RFX3: variants seen among roughly 807,000 people sequenced by gnomAD.
RFX3 encodes the protein regulatory factor X3, also known as transcription factor RFX3.
A neutral mutation model predicts 98.6 loss-of-function variants in RFX3; 14 were observed. The ratio of observed to expected loss-of-function variants is 0.14; its 90% CI spans 0.09 to 0.22. RFX3 has a LOEUF of 0.22. Among genes scored for constraint, RFX3 ranks in the 10% least tolerant of loss-of-function variants. The pLI, the probability that RFX3 is intolerant of heterozygous loss-of-function variation, is 1.00. For synonymous variants in RFX3, 383 were observed against 328.4 expected (o/e 1.17, Z -1.80); for missense variants, 639 against 926.9 (o/e 0.69, Z 4.03).
chr9:3,373,938 A>T (rs1006689548), intron 2 of RFX3, among the ~76,000 whole-genome samples: 2 of 151,958 alleles, frequency 1.3e-5, no homozygotes, highest in African/African-American at 2.4e-5. Context: ...CTTAGCCAGG[A>T]GTGGTGGCAT....
rs1027923316 is a variant in RFX3, at chr9:3,239,354, T to C, written c.1968+8678A>G. Among the ~76,000 whole-genome samples, 19 of 152,348 alleles carry C rather than the reference T, an allele frequency of 1.2e-4. No individual in the cohort carries two copies. In the East Asian group the frequency reaches 3.5e-3, roughly 28 times the overall value. ...TCTATGTATCTTTAAATAGTTTTTA[T>C]TGAAACCTGCTAAGAAGGCCAAGAT... On this transcript the variant is annotated intron_variant, in intron 15 of 16. Coordinates refer to ENST00000617270, the MANE Select transcript of RFX3 (RefSeq NM_001282116.2).
intron 1 of RFX3, among the ~76,000 whole-genome samples, chr9:3,448,188 A>G (rs1034707475): frequency 3.9e-5 from 6 of 152,186 alleles, no homozygotes; most frequent in African/African-American, 1.4e-4. Flanking sequence ...CATTCTTACA[A>G]TTCACAGTGG....
chr9:3,481,800 T>C (rs575793108), intron 1 of RFX3, among the ~76,000 whole-genome samples: 34 of 152,122 alleles, frequency 2.2e-4, no homozygotes, highest in Non-Finnish European at 4.3e-4. Context: ...CTTTGTATTT[T>C]TGTCATTAGT....
intron 15 of RFX3, among the ~76,000 whole-genome samples, chr9:3,237,158 C>T (rs1819271271): frequency 6.6e-6 from 1 of 152,188 alleles, no homozygotes; most frequent in Non-Finnish European, 1.5e-5. Flanking sequence ...CTAGTTAGAA[C>T]TAATTATGTT....
intron 1 of RFX3, among the ~76,000 whole-genome samples, chr9:3,424,443 G>C (rs1487383377): frequency 7.9e-6 from 1 of 126,200 alleles, no homozygotes; most frequent in African/African-American, 3.1e-5. Context: ...CTCACTGCAA[G>C]CTCCGCCTCC....
chr9:3,496,599 G>A (rs906390552), intron 1 of RFX3, among the ~76,000 whole-genome samples: 1 of 151,780 alleles, frequency 6.6e-6, no homozygotes, highest in Non-Finnish European at 1.5e-5. Context: ...GTACTATCAC[G>A]TTAAGCTCTC....
intron 16 of RFX3, among the ~76,000 whole-genome samples, chr9:3,227,975 G>A (rs1438146880): frequency 6.6e-6 from 1 of 152,144 alleles, no homozygotes; most frequent in Non-Finnish European, 1.5e-5. Context: ...GAAGGGCTAA[G>A]TGCATAGTTC....
chr9:3,253,022 T>A (rs1821629970), intron 14 of RFX3, among the ~76,000 whole-genome samples: 1 of 152,224 alleles, frequency 6.6e-6, no homozygotes, highest in African/African-American at 2.4e-5. Context: ...CGATTCAGAC[T>A]TCCGTAAGAA....
chr9:3,313,162 G>A (rs867689646), intron 4 of RFX3, among the ~76,000 whole-genome samples: 1 of 152,138 alleles, frequency 6.6e-6, no homozygotes, highest in Non-Finnish European at 1.5e-5. Flanking sequence ...CCTCTGAGAC[G>A]AAGCTTCCAG....
intron 1 of RFX3, among the ~76,000 whole-genome samples, chr9:3,467,095 T>A (rs1461279937): frequency 1.4e-5 from 2 of 139,022 alleles, no homozygotes; most frequent in Admixed American, 7.1e-5. Flanking sequence ...CATACATATA[T>A]GTAAGTATAT....
intron 2 of RFX3, among the ~76,000 whole-genome samples, chr9:3,352,114 A>C (rs1835208184): frequency 6.6e-6 from 1 of 152,074 alleles, no homozygotes; most frequent in Non-Finnish European, 1.5e-5. Flanking sequence ...TATGTATTTT[A>C]GGCAAGATTG....
At chr9:3,314,640 G>C (rs1033390163) in intron 4 of RFX3, among the ~76,000 whole-genome samples, 1 of 151,960 alleles carries the variant, frequency 6.6e-6, no homozygotes, top group Non-Finnish European at 1.5e-5. Flanking sequence ...CTCATGTACA[G>C]AGACACACAT....
intron 4 of RFX3, among the ~76,000 whole-genome samples, chr9:3,316,806 T>A (rs954746922): frequency 2.6e-5 from 4 of 152,120 alleles, no homozygotes; most frequent in African/African-American, 9.7e-5. Flanking sequence ...GAATCCAACT[T>A]ATAAGGGATG....
intron 2 of RFX3, among the ~76,000 whole-genome samples, chr9:3,356,955 AC>A (rs138464887): frequency 0.11 from 16,198 of 147,450 alleles, 1,490 homozygotes; most frequent in African/African-American, 0.27. Flanking sequence ...ACACACACAT[AC>A]ACACATGCAC....
At chr9:3,268,671 A>T (rs1028158618) in intron 11 of RFX3, among the ~76,000 whole-genome samples, 1 of 151,962 alleles carries the variant, frequency 6.6e-6, no homozygotes, top group African/African-American at 2.4e-5. Context: ...TGGTTTTCAA[A>T]TCAAAATTTG....
In RFX3 at chr9:3,366,005, C is replaced by T. The variant is rs1484588237; in HGVS notation, c.118-19241G>A. On this transcript the variant is annotated intron_variant, in intron 2 of 16. Coordinates refer to ENST00000617270, the MANE Select transcript of RFX3 (RefSeq NM_001282116.2). Reference sequence around the variant, plus strand: ...GTGGCAGTCAGTGGTGCAGCGGGCCCTGCTCCACACGCTCACTTGGGGACC... The same window carrying T: ...GTGGCAGTCAGTGGTGCAGCGGGCCTTGCTCCACACGCTCACTTGGGGACC... Among the ~76,000 whole-genome samples the T allele has an allele frequency of 2.0e-5, 3 of 151,988 alleles. No homozygotes were observed. The East Asian group carries it at 5.9e-4, about 30-fold the overall frequency.
chr9:3,429,208 G>C (rs1387665590), intron 1 of RFX3, among the ~76,000 whole-genome samples: 1 of 150,680 alleles, frequency 6.6e-6, no homozygotes, highest in Non-Finnish European at 1.5e-5. Context: ...ATTTTTAGTA[G>C]AAACGGGGTT....
chr9:3,411,326 C>A (rs1422961742), intron 1 of RFX3, among the ~76,000 whole-genome samples: 1 of 151,924 alleles, frequency 6.6e-6, no homozygotes, highest in Non-Finnish European at 1.5e-5. Context: ...TCTTTCTTTC[C>A]CCCTTTCTCC....
At position 3,356,973 on chromosome 9, in the gene RFX3, G is replaced by GCACA. The variant is rs200669491; in HGVS notation, c.118-10213_118-10210dup. 3.6e-4 allele frequency among the ~76,000 whole-genome samples: 46 copies of GCACA among 129,028 alleles called. No individual in the cohort carries two copies. In the East Asian group the frequency reaches 3.6e-3, roughly 10 times the overall value. The allele number at this position is 129,028 out of a possible 152,430, so 84.6% of individuals were successfully genotyped here. A position where few individuals can be genotyped will look rare whatever the true frequency, so the allele number is the denominator to read the frequency against. On this transcript the variant is annotated intron_variant, in intron 2 of 16. Transcript: ENST00000617270. ...CACACATACACACATGCACACACAC[G>GCACA]CACACACACACACACACACACACAC...
Sources: gnomAD v4.1 joint callset for allele counts (sites outside exome capture counted in the v4.1 genomes callset) on GRCh38, gnomAD v4.1.1 for gene constraint, MANE v1.5 for transcripts, NCBI Gene and HGNC (gene_info 2026-07-23, HGNC 2026-07-21) for gene names.